TRPC7: variants seen among roughly 807,000 people sequenced by gnomAD.
TRPC7 encodes transient receptor potential cation channel subfamily C member 7.
TRPC7 carries 42 observed loss-of-function variants against 90.1 expected under a neutral mutation model. The observed-to-expected ratio is 0.47, with a 90% CI of 0.36 to 0.60. The LOEUF (loss-of-function observed/expected upper bound fraction) is 0.60. Ranked by LOEUF, TRPC7 falls within the 20% of genes least tolerant of loss-of-function variation. The pLI, the probability that TRPC7 is intolerant of heterozygous loss-of-function variation, is 0.00. For missense variants in TRPC7, 955 were observed against 1,112.3 expected (o/e 0.86, Z 2.01); for synonymous variants, 451 against 436.3 (o/e 1.03, Z -0.42).
Position 136,365,335 on chromosome 5 carries a change from G to A in TRPC7, c.-81C>T. On this transcript the variant is annotated 5_prime_UTR_variant, in exon 1 of 12. Coordinates refer to ENST00000513104, the MANE Select transcript of TRPC7 (RefSeq NM_020389.3). ...AGTCGCCAGAAGCTGGCTCCCCATG[G>A]GTGGTAGCCAAGGATGTACCGCTCT... 7.0e-7 allele frequency: 1 copy of A among 1,422,920 alleles called. No individual in the cohort carries two copies. The highest frequency in any genetic ancestry group is 1.4e-5 in the African/African-American group (1 of 70,844). 88.1% of individuals were successfully genotyped at this position (1,422,920 alleles called of 1,614,324 possible).
Position 136,357,291 on chromosome 5 carries a change from A to C in TRPC7, c.97T>G (p.Phe33Val). 1 of 1,612,214 alleles carries C rather than the reference A, an allele frequency of 6.2e-7. No individual in the cohort carries two copies. ...RQAIRGPAYM[F>V]NEKGTSLTPE... ...GTCAGACTGGTGCCCTTCTCGTTGA[A>C]CATGTAGGCGGGACCCCGGATGGCC... Residue 33 changes from phenylalanine to valine, a missense_variant, in exon 2 of 12, where the codon TTC (phenylalanine) becomes GTC (valine). Phe to Val is a conservative substitution (Grantham distance 50). This residue lies in a region of TRPC7 where 161 missense variants were observed against 145.7 expected (regional missense o/e 1.10). Transcript: ENST00000513104.
chr5:136,225,413 A>G (rs1755593563), intron 9 of TRPC7, 59 bp from the exon 10 acceptor site: 4 of 1,500,626 alleles, frequency 2.7e-6, no homozygotes, highest in Non-Finnish European at 3.7e-6. Context: ...GCATCCCTAC[A>G]TATCTCGTAG....
intron 3 of TRPC7, among the ~76,000 whole-genome samples, chr5:136,281,808 C>T (rs750002724): frequency 9.2e-5 from 14 of 152,256 alleles, no homozygotes; most frequent in East Asian, 1.9e-4. Context: ...TTTTGGTTTA[C>T]GGTGCAATTT....
chr5:136,322,019 ATT>A (rs533347173), intron 2 of TRPC7, among the ~76,000 whole-genome samples: 1 of 146,908 alleles, frequency 6.8e-6, no homozygotes, highest in Non-Finnish European at 1.5e-5. Context: ...CCTGTACAAG[ATT>A]TTTTTTTTTT....
At chr5:136,333,507 C>T (rs1759562604) in intron 2 of TRPC7, among the ~76,000 whole-genome samples, 3 of 152,154 alleles carry the variant, frequency 2.0e-5, no homozygotes, top group Admixed American at 2.0e-4. Context: ...CAGTGAGGGC[C>T]ACGAAAACCT....
intron 2 of TRPC7, among the ~76,000 whole-genome samples, chr5:136,351,203 T>C (rs1271718367): frequency 1.3e-5 from 2 of 152,232 alleles, no homozygotes; most frequent in Non-Finnish European, 2.9e-5. Flanking sequence ...CGTGGATAGA[T>C]ACAGCCAAAT....
intron 2 of TRPC7, among the ~76,000 whole-genome samples, chr5:136,331,219 A>C (rs1759490220): frequency 6.6e-6 from 1 of 152,186 alleles, no homozygotes; most frequent in African/African-American, 2.4e-5. Context: ...TTGCAGAATT[A>C]AGCACTCTCT....
At chr5:136,277,286 T>G (rs570305169) in intron 3 of TRPC7, among the ~76,000 whole-genome samples, 1 of 152,344 alleles carries the variant, frequency 6.6e-6, no homozygotes, top group South Asian at 2.1e-4. Flanking sequence ...GGCTCTGTCT[T>G]CCTCTGATTG....
intron 4 of TRPC7, among the ~76,000 whole-genome samples, chr5:136,269,576 C>T (rs976646433): frequency 1.3e-5 from 2 of 152,290 alleles, no homozygotes; most frequent in Admixed American, 6.5e-5. Flanking sequence ...GACAGAGTCT[C>T]CTTCGCCAAA....
rs1561693932 is a variant in TRPC7 at position 136,266,320 on chromosome 5, G to C, written c.1245C>G (p.Thr415=). The change falls in exon 5 of 12, where the codon ACC becomes ACG. Residue 415 remains threonine, a synonymous_variant. Transcript: ENST00000513104. The stretch of plus-strand genomic sequence containing the variant: ...AGTCTGTGAAGGTTTCGTTTGGCAG[G>C]GTTTTAACACCTTCAAATCGGTCAG... ...NASDRFEGVK[T]LPNETFTDYP... is the part of the protein sequence containing the mutation. 13 of 1,613,818 alleles carry C rather than the reference G, an allele frequency of 8.1e-6. No homozygotes were observed. Among genetic ancestry groups the C allele is most frequent in the Non-Finnish European group, 9.3e-6 (11 of 1,179,828 alleles).
chr5:136,329,908 C>T (rs1281706097), intron 2 of TRPC7, among the ~76,000 whole-genome samples: 2 of 152,094 alleles, frequency 1.3e-5, no homozygotes, highest in African/African-American at 4.8e-5. Context: ...CCTATATGAA[C>T]TTAGTCTTGT....
intron 5 of TRPC7, among the ~76,000 whole-genome samples, chr5:136,257,246 G>A (rs887357855): frequency 3.3e-5 from 5 of 150,282 alleles, no homozygotes; most frequent in African/African-American, 1.2e-4. Flanking sequence ...GCAGTGGTGC[G>A]ATCTCAGCTC....
At chr5:136,324,672 A>G (rs1759292618) in intron 2 of TRPC7, among the ~76,000 whole-genome samples, 1 of 152,192 alleles carries the variant, frequency 6.6e-6, no homozygotes, top group Non-Finnish European at 1.5e-5. Flanking sequence ...TTGTTTTGAT[A>G]ACATCAATTT....
At chr5:136,352,324 T>C (rs1760218967) in intron 2 of TRPC7, among the ~76,000 whole-genome samples, 1 of 152,188 alleles carries the variant, frequency 6.6e-6, no homozygotes, top group African/African-American at 2.4e-5. Flanking sequence ...CATAACTCAG[T>C]TGGAAGAAAT....
intron 1 of TRPC7, among the ~76,000 whole-genome samples, chr5:136,362,373 G>T (rs1243988787): frequency 6.6e-6 from 1 of 151,772 alleles, no homozygotes; most frequent in Admixed American, 6.6e-5. Context: ...TAACATTATA[G>T]ATACTCAACA....
chr5:136,274,781 G>C lies in TRPC7; in HGVS notation c.1020C>G (p.Leu340=). The stretch of plus-strand genomic sequence containing the variant: ...CGATAGACTGTTGACGTAAGCCTGA[G>C]AGATTTTCATACCACATGGTAAGCA... ...QQLLTMWYEN[L]SGLRQQSIAV... is the part of the protein sequence containing the mutation. The change falls in exon 4 of 12, where the codon CTC becomes CTG. Residue 340 remains leucine (L), a synonymous_variant. Transcript: ENST00000513104. 1 of 1,600,178 alleles carries C rather than the reference G, an allele frequency of 6.2e-7. No individual in the cohort carries two copies. Among genetic ancestry groups the C allele is most frequent in the East Asian group, 2.3e-5 (1 of 44,322 alleles).
intron 5 of TRPC7, among the ~76,000 whole-genome samples, chr5:136,252,982 C>T (rs1756572155): frequency 6.6e-6 from 1 of 152,186 alleles, no homozygotes; most frequent in Non-Finnish European, 1.5e-5. Context: ...AATACCATAG[C>T]CACCAATCAT....
intron 3 of TRPC7, among the ~76,000 whole-genome samples, chr5:136,287,926 C>T (rs1472977219): frequency 1.3e-5 from 2 of 152,010 alleles, no homozygotes; most frequent in Non-Finnish European, 2.9e-5. Flanking sequence ...ATAACTGAGA[C>T]CAAAGTTCCT....
intron 3 of TRPC7, among the ~76,000 whole-genome samples, chr5:136,297,331 C>T (rs1464269810): frequency 2.0e-5 from 3 of 152,098 alleles, no homozygotes; most frequent in African/African-American, 7.2e-5. Flanking sequence ...AGGATGATCC[C>T]CTCCTTCTTC....
Sources: allele counts gnomAD v4.1 joint callset (sites outside exome capture counted in the v4.1 genomes callset), GRCh38; gene constraint gnomAD v4.1.1; regional missense constraint gnomAD v4.1.1; transcripts MANE v1.5; gene names NCBI Gene and HGNC (gene_info 2026-07-23, HGNC 2026-07-21).